Variants in NR6A1 observed in about 807,000 individuals in gnomAD.
NR6A1 encodes the protein retinoic acid receptor-related testis-associated receptor.
Under a neutral mutation model 59.1 loss-of-function variants are expected in NR6A1, and 7 were observed. That is an observed-to-expected ratio of 0.12 (90% CI 0.07 to 0.22). The LOEUF (loss-of-function observed/expected upper bound fraction) is 0.22. Among genes scored for constraint, NR6A1 ranks in the 10% least tolerant of loss-of-function variants. The pLI is 1.00. For synonymous variants in NR6A1, 243 were observed against 236.1 expected, an observed-to-expected ratio of 1.03 and a Z score of -0.27; for missense variants, 468 against 611.6, an observed-to-expected ratio of 0.77 and a Z score of 2.48.
At chr9:124,681,802 C>T (rs375704733) in intron 2 of NR6A1, among the ~76,000 whole-genome samples, 1 of 151,834 alleles carries the variant, frequency 6.6e-6, no homozygotes, top group Admixed American at 6.6e-5. Flanking sequence ...TTAGAAAATC[C>T]GCATAACTCA....
chr9:124,527,695 T>C (rs1387122766), intron 7 of NR6A1, among the ~76,000 whole-genome samples: 2 of 152,130 alleles, frequency 1.3e-5, no homozygotes, highest in African/African-American at 4.8e-5. Flanking sequence ...GTTTTTCCAG[T>C]ATCTAAGGTG....
At chr9:124,728,637 AAAATAAAT>A (rs57250774) in intron 2 of NR6A1, among the ~76,000 whole-genome samples, 3,401 of 144,924 alleles carry the variant, frequency 0.023, 55 homozygotes, top group Non-Finnish European at 0.035. Context: ...TCCGCCTCAA[AAAATAAAT>A]AAATAAATAA....
In NR6A1 at chr9:124,522,636, T is replaced by A. The variant is rs1832825348; in HGVS notation, c.*69A>T. ...AGCCTCCATCTTGGTCTCTCTGGCT[T>A]TTCCCTCCAGAGCCTGTCCTGCCCA... On this transcript the variant is annotated 3_prime_UTR_variant, in exon 10 of 10. Coordinates refer to ENST00000487099, the MANE Select transcript of NR6A1 (RefSeq NM_033334.4). 1 of 1,306,146 alleles carries A rather than the reference T, an allele frequency of 7.7e-7. No individual in the cohort carries two copies. Among genetic ancestry groups the A allele is most frequent in the Non-Finnish European group, 1.1e-6 (1 of 933,282 alleles). The allele number at this position is 1,306,146 out of a possible 1,614,324, so 80.9% of individuals were successfully genotyped here.
intron 2 of NR6A1, among the ~76,000 whole-genome samples, chr9:124,615,859 G>C (rs1307353379): frequency 2.0e-5 from 3 of 151,972 alleles, no homozygotes; most frequent in Non-Finnish European, 4.4e-5. Flanking sequence ...TTTTGAGACA[G>C]AGTCTCGCTC....
At chr9:124,766,375 A>G (rs901851290) in intron 1 of NR6A1, among the ~76,000 whole-genome samples, 3 of 152,248 alleles carry the variant, frequency 2.0e-5, no homozygotes, top group South Asian at 2.1e-4. Flanking sequence ...AGAGTTGGGT[A>G]TATCAGATCA....
intron 1 of NR6A1, among the ~76,000 whole-genome samples, chr9:124,733,814 A>C (rs1473396715): frequency 6.6e-6 from 1 of 152,230 alleles, no homozygotes; most frequent in Non-Finnish European, 1.5e-5. Flanking sequence ...ATATCATGTA[A>C]ATTTTTCACA....
At chr9:124,686,405 C>T (rs1255944492) in intron 2 of NR6A1, among the ~76,000 whole-genome samples, 3 of 152,198 alleles carry the variant, frequency 2.0e-5, no homozygotes, top group Non-Finnish European at 2.9e-5. Context: ...ACAATACAAA[C>T]CAAGATTCTC....
intron 2 of NR6A1, among the ~76,000 whole-genome samples, chr9:124,676,371 G>C (rs150614848): frequency 3.9e-4 from 59 of 152,048 alleles, no homozygotes; most frequent in African/African-American, 1.4e-3. Flanking sequence ...TCATTACTCT[G>C]GTAAGGGCCC....
chr9:124,584,221 C>G (rs1432168304), intron 2 of NR6A1, among the ~76,000 whole-genome samples: 1 of 151,878 alleles, frequency 6.6e-6, no homozygotes, highest in Non-Finnish European at 1.5e-5. Flanking sequence ...GATTCTCCTG[C>G]CTCAGCCTCC....
chr9:124,626,453 T>C (rs908687561), intron 2 of NR6A1, among the ~76,000 whole-genome samples: 6 of 152,236 alleles, frequency 3.9e-5, no homozygotes, highest in Admixed American at 1.3e-4. Context: ...AGGATCTAGT[T>C]TTGTTTAGAA....
At position 124,744,933 on chromosome 9, in the gene NR6A1, T is replaced by C. The variant is rs553607216; in HGVS notation, c.101-11584A>G. Reference sequence around the variant, plus strand: ...GAGATGTCCCACATGTGGCAGAATGTACCTTTTTCCTTATTTTCTTTAAAA... The same window carrying C: ...GAGATGTCCCACATGTGGCAGAATGCACCTTTTTCCTTATTTTCTTTAAAA... On this transcript the variant is annotated intron_variant, in intron 1 of 9. Transcript: ENST00000487099. 6.0e-4 allele frequency among the ~76,000 whole-genome samples: 91 copies of C among 152,336 alleles called. 1 individual carries two copies. In the South Asian group the frequency reaches 0.018, roughly 30 times the overall value.
intron 1 of NR6A1, among the ~76,000 whole-genome samples, chr9:124,750,636 TG>T (rs1840473378): frequency 6.6e-6 from 1 of 151,868 alleles, no homozygotes; most frequent in Admixed American, 6.6e-5. Flanking sequence ...GGTGGGCGCC[TG>T]TAGTCCCAGC....
At chr9:124,534,667 G>A (rs1363812884) in intron 7 of NR6A1, among the ~76,000 whole-genome samples, 1 of 152,176 alleles carries the variant, frequency 6.6e-6, no homozygotes, top group Non-Finnish European at 1.5e-5. Flanking sequence ...CGGAGTCAAA[G>A]AACCTAAGCT....
At chr9:124,694,100 A>G (rs1476288400) in intron 2 of NR6A1, among the ~76,000 whole-genome samples, 2 of 152,228 alleles carry the variant, frequency 1.3e-5, no homozygotes, top group Non-Finnish European at 2.9e-5. Flanking sequence ...AAATTCAAAT[A>G]CAAAAATATA....
intron 2 of NR6A1, among the ~76,000 whole-genome samples, chr9:124,696,315 C>G (rs1838758684): frequency 6.6e-6 from 1 of 152,022 alleles, no homozygotes; most frequent in South Asian, 2.1e-4. Flanking sequence ...AGGGGTAGAA[C>G]TGAGTCAACA....
At chr9:124,728,992 T>C (rs1197662548) in intron 2 of NR6A1, among the ~76,000 whole-genome samples, 3 of 152,346 alleles carry the variant, frequency 2.0e-5, no homozygotes, top group African/African-American at 4.8e-5. Flanking sequence ...AACTTAATAT[T>C]GTAATTTGAC....
At chr9:124,708,795 T>C (rs1266680673) in intron 2 of NR6A1, among the ~76,000 whole-genome samples, 2 of 152,166 alleles carry the variant, frequency 1.3e-5, no homozygotes, top group African/African-American at 2.4e-5. Flanking sequence ...GGTACTCAAA[T>C]AGGTCCCAGG....
chr9:124,529,514 G>C (rs930676361), intron 7 of NR6A1, among the ~76,000 whole-genome samples: 2 of 152,184 alleles, frequency 1.3e-5, no homozygotes, highest in Admixed American at 6.5e-5. Flanking sequence ...AAGGTTGCAC[G>C]GGAAGTAAAT....
intron 5 of NR6A1, 58 bp from the exon 6 acceptor site, chr9:124,538,377 G>C: frequency 7.3e-7 from 1 of 1,360,570 alleles, no homozygotes. Flanking sequence ...ATTACTCAAA[G>C]GAAGTGAGCC....
Sources: gnomAD v4.1 joint callset for allele counts (sites outside exome capture counted in the v4.1 genomes callset) on GRCh38, gnomAD v4.1.1 for gene constraint, MANE v1.5 for transcripts, NCBI Gene and HGNC (gene_info 2026-07-23, HGNC 2026-07-21) for gene names.